Variants in WWP2 observed in about 807,000 individuals in gnomAD.
WWP2 encodes the protein NEDD4-like E3 ubiquitin-protein ligase WWP2.
In WWP2, 57 loss-of-function variants were observed where a neutral mutation model predicts 121.0. That is an observed-to-expected ratio of 0.47 (90% CI 0.38 to 0.59). WWP2 has a LOEUF of 0.59. WWP2 is among the 20% of genes least tolerant of loss of function. WWP2 has a pLI of 0.00. For missense variants in WWP2, 962 were observed against 1,158.9 expected, an observed-to-expected ratio of 0.83 and a Z score of 2.47; for synonymous variants, 449 against 441.3, an observed-to-expected ratio of 1.02 and a Z score of -0.22.
In WWP2 at chr16:69,799,814, G is replaced by A. The variant is rs2056123770; in HGVS notation, c.340+519G>A. On this transcript the variant is annotated intron_variant, in intron 4 of 23. Transcript: ENST00000359154. This position sits in a 1 kb window ranked among gnomAD's most constrained non-coding sequence, Gnocchi z 4.5. The stretch of plus-strand genomic sequence containing the variant: ...ATTTACTGGATGTTGGAACGTGATG[G>A]ACGCGCCATCTGAATTAGCCAACGT... 6.6e-6 allele frequency among the ~76,000 whole-genome samples: 1 copy of A among 152,124 alleles called. No individual in the cohort carries two copies.
intron 4 of WWP2, among the ~76,000 whole-genome samples, chr16:69,804,982 G>T (rs561233670): frequency 4.1e-4 from 62 of 151,278 alleles, no homozygotes; most frequent in African/African-American, 1.4e-3. Context: ...TTTGTAATCT[G>T]TCAGTTTACT....
rs570227430 is a variant in WWP2 at position 69,885,767 on chromosome 16, G to A, written c.704-2272G>A. Among the ~76,000 whole-genome samples, 7 of 152,258 alleles carry A rather than the reference G, an allele frequency of 4.6e-5. No homozygotes were observed. The South Asian group carries it at 1.0e-3, about 23-fold the overall frequency. On this transcript the variant is annotated intron_variant, in intron 7 of 23. Coordinates refer to ENST00000359154, the MANE Select transcript of WWP2 (RefSeq NM_001270454.2). ...TATAGTTTCCTTAAGTGTTAAGTGGGGATATCAATTGTAACTAACTTGTGG... is the reference window on the plus strand; with the variant it reads ...TATAGTTTCCTTAAGTGTTAAGTGGAGATATCAATTGTAACTAACTTGTGG...
At chr16:69,871,975 C>A in intron 7 of WWP2, 44 bp downstream of exon 7, 3 of 1,589,510 alleles carry the variant, frequency 1.9e-6, no homozygotes, top group Non-Finnish European at 2.6e-6. Flanking sequence ...AAGCTGTGGG[C>A]TCTCACCCGT....
intron 4 of WWP2, among the ~76,000 whole-genome samples, chr16:69,826,262 C>T (rs1358923718): frequency 1.9e-4 from 12 of 62,554 alleles, no homozygotes; most frequent in East Asian, 9.9e-4. Context: ...AGTGAAACTC[C>T]GTCTCAAAAA....
intron 6 of WWP2, among the ~76,000 whole-genome samples, chr16:69,853,796 G>T (rs1051268888): frequency 6.6e-6 from 1 of 152,146 alleles, no homozygotes; most frequent in Admixed American, 6.6e-5. Context: ...AGGAGGGAGG[G>T]GGGTACTCCC....
chr16:69,852,908 TC>T (rs988312261), intron 6 of WWP2, among the ~76,000 whole-genome samples: 4 of 152,216 alleles, frequency 2.6e-5, no homozygotes, highest in Non-Finnish European at 4.4e-5. Flanking sequence ...AGAACAGAGA[TC>T]TTATGGTCAG....
intron 9 of WWP2, among the ~76,000 whole-genome samples, chr16:69,916,053 C>G (rs910929000): frequency 6.7e-6 from 1 of 150,248 alleles, no homozygotes. Flanking sequence ...AAAAAAAAAT[C>G]TTTGGTAACA....
chr16:69,785,494 A>G (rs1285563467), intron 1 of WWP2, among the ~76,000 whole-genome samples: 1 of 152,218 alleles, frequency 6.6e-6, no homozygotes, highest in African/African-American at 2.4e-5. Context: ...CAATGAACCA[A>G]TATTTTTCAA....
intron 8 of WWP2, among the ~76,000 whole-genome samples, chr16:69,907,411 A>G (rs981888053): frequency 2.6e-5 from 4 of 152,244 alleles, no homozygotes; most frequent in African/African-American, 9.6e-5. Flanking sequence ...TTTTCAAAGC[A>G]AGCATTACCG....
intron 9 of WWP2, among the ~76,000 whole-genome samples, chr16:69,914,525 A>C (rs139667673): frequency 2.7e-3 from 408 of 152,282 alleles, no homozygotes; most frequent in African/African-American, 9.3e-3. Flanking sequence ...TGGGGGGCCA[A>C]GGCAGGAGGA....
At chr16:69,889,645 GC>G (rs1197612989) in intron 8 of WWP2, among the ~76,000 whole-genome samples, 1 of 152,164 alleles carries the variant, frequency 6.6e-6, no homozygotes, top group Non-Finnish European at 1.5e-5. Context: ...TTGTGAAGGG[GC>G]CCTAAAGGAA....
At chr16:69,911,518 A>G (rs2058379035) in intron 9 of WWP2, among the ~76,000 whole-genome samples, 1 of 152,164 alleles carries the variant, frequency 6.6e-6, no homozygotes, top group Non-Finnish European at 1.5e-5. Flanking sequence ...GAAGGGTTGT[A>G]TGAAGTAAAG....
Position 69,795,649 on chromosome 16 carries a change from G to GTTTTTTTTT in WWP2, c.71-3015_71-3007dup, listed in dbSNP as rs386384998. Among the ~76,000 whole-genome samples, 34 of 66,954 alleles carry GTTTTTTTTT rather than the reference G, an allele frequency of 5.1e-4. 10 individuals are homozygous for GTTTTTTTTT. Among genetic ancestry groups the GTTTTTTTTT allele is most frequent in the African/African-American group, 1.9e-3 (30 of 15,918 alleles). 43.9% of individuals were successfully genotyped at this position (66,954 alleles called of 152,430 possible). On this transcript the variant is annotated intron_variant, in intron 2 of 23. Transcript: ENST00000359154. The stretch of plus-strand genomic sequence containing the variant: ...TAGATTGGAAACTTAAAAATAGGAG[G>GTTTTTTTTT]TTTTTTTTTTTTTTTTTTTTTTTTT...
chr16:69,913,301 G>C (rs1444931082), intron 9 of WWP2, among the ~76,000 whole-genome samples: 2 of 151,566 alleles, frequency 1.3e-5, no homozygotes, highest in Non-Finnish European at 2.9e-5. Context: ...CCAAAGTGGT[G>C]GGATTACAGG....
intron 2 of WWP2, among the ~76,000 whole-genome samples, 179 bp from the exon 3 acceptor site, chr16:69,798,503 C>T (rs1436265287): frequency 3.0e-4 from 44 of 148,060 alleles, no homozygotes; most frequent in Non-Finnish European, 5.8e-4. Context: ...TTTTACACTT[C>T]ATATTTTTTT....
chr16:69,794,382 A>T (rs1016476541), intron 2 of WWP2, among the ~76,000 whole-genome samples: 3 of 152,134 alleles, frequency 2.0e-5, no homozygotes, highest in Non-Finnish European at 2.9e-5. Context: ...TACAAATATG[A>T]GCCAGGCATG....
intron 4 of WWP2, among the ~76,000 whole-genome samples, chr16:69,839,439 T>A (rs969710769): frequency 3.3e-5 from 5 of 152,214 alleles, no homozygotes; most frequent in Non-Finnish European, 1.5e-5. Context: ...TTGGTGCTTC[T>A]GCCTCCAGTC....
intron 6 of WWP2, among the ~76,000 whole-genome samples, chr16:69,867,357 T>G (rs1177783787): frequency 1.3e-5 from 2 of 152,168 alleles, no homozygotes; most frequent in African/African-American, 4.8e-5. Flanking sequence ...ATCACAGCAT[T>G]TCCACTAAGG....
chr16:69,780,646 G>C lies in WWP2; in HGVS notation c.-15-6350G>C, dbSNP rs141283344. Among the ~76,000 whole-genome samples the C allele has an allele frequency of 5.4e-3, 815 of 152,314 alleles. 12 individuals are homozygous for C. The highest frequency in any genetic ancestry group is 0.018 in the African/African-American group (764 of 41,562). ...TTCTCATCTCTTTCTAATCTGATGA[G>C]TAGCAAAGAGAGTTGATCTTTTTAC... On this transcript the variant is annotated intron_variant, in intron 1 of 23. Coordinates refer to ENST00000359154, the MANE Select transcript of WWP2 (RefSeq NM_001270454.2).
Sources: allele counts gnomAD v4.1 joint callset (sites outside exome capture counted in the v4.1 genomes callset), GRCh38; gene constraint gnomAD v4.1.1; non-coding constraint Gnocchi (gnomAD v3.1); transcripts MANE v1.5; gene names NCBI Gene and HGNC (gene_info 2026-07-23, HGNC 2026-07-21).